Variants in BMP1 observed in about 807,000 individuals in gnomAD.
BMP1 encodes the protein mammalian tolloid protein.
In BMP1, 63 loss-of-function variants were observed where a neutral mutation model predicts 116.8. The observed-to-expected ratio is 0.54, with a 90% CI of 0.44 to 0.67. BMP1 has a LOEUF of 0.67. BMP1 is among the 30% of genes least tolerant of loss of function. The probability of loss-of-function intolerance (pLI) is 0.00; values close to 1 mark genes in which losing one functional copy is unlikely to be tolerated. For missense variants in BMP1, 1,183 were observed against 1,358.9 expected (o/e 0.87, Z 2.04); for synonymous variants, 536 against 533.4 (o/e 1.00, Z -0.07).
chr8:22,199,217 C>CGAGG (rs1563271397), intron 15 of BMP1: 1 of 1,367,464 alleles, frequency 7.3e-7, no homozygotes, highest in Non-Finnish European at 9.8e-7. Context: ...CTGGGGGCAT[C>CGAGG]GAGGCTCAGC....
At position 22,196,841 on chromosome 8, in the gene BMP1, G is replaced by A. The variant is rs1467611126; in HGVS notation, c.1926+1G>A. ...CTTCTTTGAGACAGAGGGCAATGAT[G>A]TAAGTGCCCACCAGGGGCTGAGGTG... On this transcript the variant is annotated splice_donor_variant, in intron 14 of 19. Transcript: ENST00000306385. LOFTEE classifies it high-confidence loss of function. 6.2e-7 allele frequency: 1 copy of A among 1,611,584 alleles called. No homozygotes were observed. The highest frequency in any genetic ancestry group is 8.5e-7 in the Non-Finnish European group (1 of 1,178,498).
At chr8:22,175,107 C>T (rs1828394517) in intron 2 of BMP1, among the ~76,000 whole-genome samples, 1 of 152,152 alleles carries the variant, frequency 6.6e-6, no homozygotes, top group Admixed American at 6.5e-5. Flanking sequence ...CTCATGTGAC[C>T]TTAGTGGGGA....
chr8:22,176,658 G>A lies in BMP1; in HGVS notation c.551+8G>A. 3 of 1,613,602 alleles carry A rather than the reference G, an allele frequency of 1.9e-6. No homozygotes were observed. The highest frequency in any genetic ancestry group is 2.5e-6 in the Non-Finnish European group (3 of 1,179,522). On this transcript the variant is annotated splice_region_variant and intron_variant, in intron 4 of 19. Transcript: ENST00000306385. ...CACCTATCGACCTTGCGGGTGAGCA[G>A]GAAGCCCTAGGCGCTGTACCTTCCG...
At chr8:22,181,117 C>G (rs1217049906) in intron 8 of BMP1, among the ~76,000 whole-genome samples, 2 of 152,240 alleles carry the variant, frequency 1.3e-5, no homozygotes, top group African/African-American at 4.8e-5. Context: ...CCAGGACCCT[C>G]CAGTCTTTGC....
At chr8:22,197,445 A>G in intron 15 of BMP1, 25 bp downstream of exon 15, 1 of 1,584,370 alleles carries the variant, frequency 6.3e-7, no homozygotes, top group Non-Finnish European at 8.6e-7. Flanking sequence ...CCCAGCTCCT[A>G]GCCCCACCTC....
In BMP1 at chr8:22,192,164, G is replaced by A. The variant is rs762421703; in HGVS notation, c.1180+13G>A. 2.5e-6 allele frequency: 4 copies of A among 1,601,374 alleles called. No individual in the cohort carries two copies. Among genetic ancestry groups the A allele is most frequent in the Non-Finnish European group, 3.4e-6 (4 of 1,169,940 alleles). On this transcript the variant is annotated intron_variant, in intron 9 of 19. Transcript: ENST00000306385. ...GCGCCCCTCCGAGGTAACGGCACCA[G>A]CCACCCCCTGCCCCCTCCATGCTGA... is the stretch of plus-strand genomic sequence containing the variant.
At chr8:22,180,565 A>C in intron 8 of BMP1, 82 bp downstream of exon 8, 1 of 1,305,358 alleles carries the variant, frequency 7.7e-7, no homozygotes, top group Non-Finnish European at 1.1e-6. Flanking sequence ...GTGGGGGTCA[A>C]TATGGGTGCC....
At position 22,193,999 on chromosome 8, in the gene BMP1, G is replaced by A. The variant is rs142176786; in HGVS notation, c.1181-59G>A. 11,996 of 1,389,502 alleles carry A rather than the reference G, an allele frequency of 8.6e-3. 185 individuals are homozygous for A. Among genetic ancestry groups the A allele is most frequent in the Middle Eastern group, 0.08 (438 of 5,466 alleles). The allele number at this position is 1,389,502 out of a possible 1,614,324, so 86.1% of individuals were successfully genotyped here. Reference sequence around the variant, plus strand: ...GCACCCAAGCCTCCTGGAGAGGTGGGGCCTCTATAGGGGGTGTCCTCAGGG... The same window carrying A: ...GCACCCAAGCCTCCTGGAGAGGTGGAGCCTCTATAGGGGGTGTCCTCAGGG... On this transcript the variant is annotated intron_variant, in intron 9 of 19. Transcript: ENST00000306385.
chr8:22,192,853 G>C (rs148757411), intron 9 of BMP1, among the ~76,000 whole-genome samples: 1 of 152,188 alleles, frequency 6.6e-6, no homozygotes, highest in Non-Finnish European at 1.5e-5. Flanking sequence ...GGACGTGATC[G>C]TAAGGAGCTC....
At chr8:22,192,426 G>T in intron 9 of BMP1, 3 of 352,168 alleles carry the variant, frequency 8.5e-6, no homozygotes, top group Non-Finnish European at 1.6e-5. Flanking sequence ...CGGGTGCAAG[G>T]AGTCATCAGA....
At chr8:22,184,251 G>A (rs541019061) in intron 8 of BMP1, among the ~76,000 whole-genome samples, 218 of 152,340 alleles carry the variant, frequency 1.4e-3, no homozygotes, top group South Asian at 2.9e-3. Context: ...GCTGGGGTAT[G>A]GCATTGGGCT....
chr8:22,201,831 C>T lies in BMP1; in HGVS notation c.2136C>T (p.Gly712=), dbSNP rs751583746. The part of the protein sequence containing the change: ...SDKDECSKDN[G]GCQQDCVNTF... ...AGGACGAGTGCTCCAAGGATAACGG[C>T]GGCTGCCAGCAGGACTGCGTCAACA... Residue 712 remains glycine, a synonymous_variant, in exon 16 of 20, where the codon GGC becomes GGT. Transcript: ENST00000306385. The T allele has an allele frequency of 4.5e-5, 73 of 1,613,106 alleles. No individual in the cohort carries two copies. Among genetic ancestry groups the T allele is most frequent in the Non-Finnish European group, 4.7e-5 (56 of 1,179,940 alleles).
At chr8:22,200,084 A>G (rs1163272582) in intron 15 of BMP1, among the ~76,000 whole-genome samples, 4 of 152,196 alleles carry the variant, frequency 2.6e-5, no homozygotes, top group Non-Finnish European at 4.4e-5. Context: ...CTGGGGGTCC[A>G]CTGGATCCCT....
rs917884543 is a variant in BMP1 at position 22,197,353 on chromosome 8, C to T, written c.2040C>T (p.Asn680=). 1.2e-6 allele frequency: 2 copies of T among 1,613,926 alleles called. No homozygotes were observed. The highest frequency in any genetic ancestry group is 2.2e-5 in the East Asian group (1 of 44,890). The change falls in exon 15 of 20, where the codon AAC becomes AAT. Residue 680 remains asparagine, a synonymous_variant. Coordinates refer to ENST00000306385, the MANE Select transcript of BMP1 (RefSeq NM_006129.5). ...AGGTCATCACCTCCCAGTACAACAA[C>T]ATGCGCGTGGAGTTCAAGTCCGACA... ...KPEVITSQYN[N]MRVEFKSDNT...
At chr8:22,177,282 C>A in intron 5 of BMP1, 143 bp downstream of exon 5, 1 of 878,688 alleles carries the variant, frequency 1.1e-6, no homozygotes, top group Non-Finnish European at 1.7e-6. Context: ...TGGGTTGAGC[C>A]AGCCCCTGCC....
intron 14 of BMP1, among the ~76,000 whole-genome samples, 170 bp downstream of exon 14, chr8:22,197,010 C>T (rs1273834987): frequency 6.6e-6 from 1 of 152,120 alleles, no homozygotes. Flanking sequence ...AGGGAGGGCC[C>T]CAAAGGGGGC....
chr8:22,177,551 C>G, intron 5 of BMP1: 1 of 734,188 alleles, frequency 1.4e-6, no homozygotes, highest in Non-Finnish European at 2.5e-6. Flanking sequence ...CTTCCCGCCT[C>G]CTCCCTCTCT....
intron 9 of BMP1, 33 bp downstream of exon 9, chr8:22,192,184 T>C (rs1055623945): frequency 1.9e-6 from 3 of 1,573,426 alleles, no homozygotes; most frequent in Non-Finnish European, 2.6e-6. Context: ...GCCCCCTCCA[T>C]GCTGATTCCC....
intron 8 of BMP1, 36 bp from the exon 9 acceptor site, chr8:22,192,013 G>T: frequency 6.4e-7 from 1 of 1,563,832 alleles, no homozygotes; most frequent in South Asian, 1.1e-5. Flanking sequence ...GCAATGTTCG[G>T]GACAGCTTAA....
Sources: allele counts gnomAD v4.1 joint callset (sites outside exome capture counted in the v4.1 genomes callset), GRCh38; gene constraint gnomAD v4.1.1; transcripts MANE v1.5; gene names NCBI Gene and HGNC (gene_info 2026-07-23, HGNC 2026-07-21).